KAZN: variants seen among roughly 807,000 people sequenced by gnomAD.
The protein encoded by KAZN is kazrin.
Under a neutral mutation model 87.4 loss-of-function variants are expected in KAZN, and 40 were observed. The observed-to-expected ratio is 0.46, with a 90% confidence interval of 0.36 to 0.60. The LOEUF is 0.60. Ranked by LOEUF, KAZN falls within the 20% of genes least tolerant of loss-of-function variation. KAZN has a pLI of 0.00. For missense variants in KAZN, 898 were observed against 1,073.9 expected, an observed-to-expected ratio of 0.84 and a Z score of 2.29; for synonymous variants, 466 against 458.3, an observed-to-expected ratio of 1.02 and a Z score of -0.22.
At chr1:14,942,158 C>T (rs541049795) in intron 1 of KAZN, among the ~76,000 whole-genome samples, 2 of 152,166 alleles carry the variant, frequency 1.3e-5, no homozygotes, top group Non-Finnish European at 2.9e-5. Flanking sequence ...TCACAAGCTG[C>T]GGTGTTTATG....
At chr1:14,592,003 G>A (rs749509218) in intron 2 of KAZN, among the ~76,000 whole-genome samples, 22 of 152,088 alleles carry the variant, frequency 1.4e-4, no homozygotes, top group Non-Finnish European at 2.2e-4. Flanking sequence ...GGGGTTCCGC[G>A]GCCTGCACAC....
chr1:14,065,382 C>A (rs76345375), intron 1 of KAZN, among the ~76,000 whole-genome samples: 3,077 of 152,236 alleles, frequency 0.02, 81 homozygotes, highest in East Asian at 0.066. Context: ...ACAGAAAGAA[C>A]AAACACTGTG....
chr1:14,977,869 T>C (rs1665809609), intron 2 of KAZN, among the ~76,000 whole-genome samples: 1 of 148,496 alleles, frequency 6.7e-6, no homozygotes, highest in Non-Finnish European at 1.5e-5. Flanking sequence ...TTGCACCTGC[T>C]GTGGGGTGCA....
Position 14,179,277 on chromosome 1 carries a change from A to G in KAZN, c.92-1158A>G, listed in dbSNP as rs1397371680. Among the ~76,000 whole-genome samples, 4 of 152,160 alleles carry G rather than the reference A, an allele frequency of 2.6e-5. No homozygotes were observed. The East Asian group carries it at 7.7e-4, about 29-fold the overall frequency. ...TGATCTCCAGCTCCTTAATTCAGTG[A>G]CATTGCGGGGCTCTCTCTGGATTTC... is the stretch of plus-strand genomic sequence containing the variant. On this transcript the variant is annotated intron_variant, in intron 1 of 16. Coordinates refer to the KAZN transcript ENST00000636203.
chr1:14,589,331 TA>T (rs33992055), intron 2 of KAZN, among the ~76,000 whole-genome samples: 18,096 of 146,632 alleles, frequency 0.12, 3,580 homozygotes, highest in African/African-American at 0.42. Flanking sequence ...ACAAGGCAGG[TA>T]AAAAAAAAAA....
chr1:14,506,781 CTG>C (rs1187270444), intron 2 of KAZN, among the ~76,000 whole-genome samples: 1 of 152,164 alleles, frequency 6.6e-6, no homozygotes, highest in African/African-American at 2.4e-5. Context: ...AGAAATAAAA[CTG>C]TGTGTATGTA....
chr1:14,296,254 C>T (rs2100763016), intron 2 of KAZN, among the ~76,000 whole-genome samples: 1 of 152,318 alleles, frequency 6.6e-6, no homozygotes, highest in South Asian at 2.1e-4. Flanking sequence ...GCAAATGCTG[C>T]AGTGGTGGGT....
At chr1:15,043,156 G>C (rs530335567) in intron 3 of KAZN, among the ~76,000 whole-genome samples, 2 of 152,332 alleles carry the variant, frequency 1.3e-5, no homozygotes, top group South Asian at 2.1e-4. Context: ...CACAGCAACT[G>C]TTTCTCTCAC....
exon 1 of KAZN, chr1:13,893,652 A>T (rs761626034): frequency 3.2e-6 from 5 of 1,549,858 alleles, no homozygotes; most frequent in Non-Finnish European, 4.4e-6. Context: ...AACACCAAAG[A>T]CCCCAAAAGA....
chr1:14,826,770 T>C (rs576775861), intron 1 of KAZN, among the ~76,000 whole-genome samples: 1 of 152,338 alleles, frequency 6.6e-6, no homozygotes, highest in South Asian at 2.1e-4. Context: ...AATTTCCTGT[T>C]TCCCATTGGT....
intron 2 of KAZN, among the ~76,000 whole-genome samples, chr1:14,273,923 T>C (rs1652149344): frequency 6.6e-6 from 1 of 152,170 alleles, no homozygotes; most frequent in South Asian, 2.1e-4. Flanking sequence ...ATTCAAAATA[T>C]GCAAATTACT....
chr1:14,092,545 A>G (rs958128596), intron 1 of KAZN, among the ~76,000 whole-genome samples: 1 of 129,754 alleles, frequency 7.7e-6, no homozygotes, highest in African/African-American at 2.5e-5. Context: ...GTATGTACAT[A>G]TATGTACATA....
At chr1:14,533,075 T>C (rs1672300995) in intron 2 of KAZN, among the ~76,000 whole-genome samples, 2 of 152,198 alleles carry the variant, frequency 1.3e-5, no homozygotes, top group South Asian at 2.1e-4. Flanking sequence ...CATGTGTTTT[T>C]AGAAAGCTTA....
intron 2 of KAZN, among the ~76,000 whole-genome samples, chr1:14,434,833 G>A (rs947324468): frequency 3.3e-5 from 5 of 152,012 alleles, no homozygotes; most frequent in Admixed American, 2.0e-4. Flanking sequence ...ACTCGCTCTC[G>A]GTGGCCTCCA....
intron 2 of KAZN, among the ~76,000 whole-genome samples, chr1:14,311,698 T>A (rs1348485181): frequency 6.6e-6 from 1 of 152,064 alleles, no homozygotes; most frequent in Non-Finnish European, 1.5e-5. Flanking sequence ...AGTGAATTAA[T>A]AAATATTGGA....
At chr1:13,991,288 G>A (rs1639274721) in intron 1 of KAZN, among the ~76,000 whole-genome samples, 1 of 151,962 alleles carries the variant, frequency 6.6e-6, no homozygotes, top group South Asian at 2.1e-4. Context: ...TCACATACCA[G>A]GGCCTGTTGG....
At chr1:14,955,338 C>T (rs1448079011) in intron 1 of KAZN, among the ~76,000 whole-genome samples, 1 of 152,218 alleles carries the variant, frequency 6.6e-6, no homozygotes, top group Non-Finnish European at 1.5e-5. Flanking sequence ...CAGGTGAGGC[C>T]ACCGAGGCCC....
chr1:13,981,304 T>G (rs1185153898), intron 1 of KAZN, among the ~76,000 whole-genome samples: 1 of 148,280 alleles, frequency 6.7e-6, no homozygotes, highest in East Asian at 1.9e-4. Flanking sequence ...AAATTATAAA[T>G]TAGTAATATA....
chr1:14,456,235 A>G (rs541618662), intron 2 of KAZN, among the ~76,000 whole-genome samples: 284 of 152,312 alleles, frequency 1.9e-3, no homozygotes, highest in Middle Eastern at 6.8e-3. Context: ...TCTGAGCATC[A>G]GTGTTCTTCT....
Sources: allele counts gnomAD v4.1 joint callset (sites outside exome capture counted in the v4.1 genomes callset), GRCh38; gene constraint gnomAD v4.1.1; transcripts MANE v1.5; gene names NCBI Gene and HGNC (gene_info 2026-07-23, HGNC 2026-07-21).